The following FANCI variants were observed in gnomAD, a reference collection of about 807,000 sequenced individuals.
The protein encoded by FANCI is Fanconi anemia group I protein.
A neutral mutation model predicts 176.1 loss-of-function variants in FANCI; 156 were observed. That is an observed-to-expected ratio of 0.89 (90% CI 0.78 to 1.01). The LOEUF (loss-of-function observed/expected upper bound fraction) is 1.01, where lower values mean the gene tolerates loss of function less well. FANCI is among the 50% of genes least tolerant of loss of function. The probability of loss-of-function intolerance (pLI) is 0.00; values close to 1 mark genes in which losing one functional copy is unlikely to be tolerated. For synonymous variants in FANCI, 613 were observed against 541.7 expected, an observed-to-expected ratio of 1.13 and a Z score of -1.83; for missense variants, 1,678 against 1,534.1, an observed-to-expected ratio of 1.09 and a Z score of -1.57.
rs7166916 is a variant in FANCI at position 89,250,028 on chromosome 15, A to G, written c.84+2297A>G. 4.2e-3 allele frequency among the ~76,000 whole-genome samples: 638 copies of G among 152,352 alleles called. 7 individuals are homozygous for G. Among genetic ancestry groups the G allele is most frequent in the African/African-American group, 0.015 (611 of 41,582 alleles). On this transcript the variant is annotated intron_variant, in intron 2 of 37. Coordinates refer to ENST00000310775, the MANE Select transcript of FANCI (RefSeq NM_001113378.2). ...TTACAAACTATTCTCTGTGATCACA[A>G]TGCAATAAAACTGGAAATGAAAACC...
chr15:89,276,783 A>C lies in FANCI; in HGVS notation c.1185A>C (p.Pro395=), dbSNP rs371838837. ...TCATTTTGATGGATTCATATGGGCC[A>C]AAGAAGGTTCTTGATGGAAAAACTA... ...LGFILMDSYG[P]KKVLDGKTIE... Residue 395 remains proline, a synonymous_variant, in exon 13 of 38, where the codon CCA becomes CCC. Transcript: ENST00000310775. 20 of 1,614,072 alleles carry C rather than the reference A, an allele frequency of 1.2e-5. No individual in the cohort carries two copies. The highest frequency in any genetic ancestry group is 1.7e-5 in the Non-Finnish European group (20 of 1,180,026).
rs1399494514 is a variant in FANCI, at chr15:89,260,768, T to C, written c.213T>C (p.Cys71=). The C allele has an allele frequency of 6.2e-7, 1 of 1,613,916 alleles. No individual in the cohort carries two copies. The highest frequency in any genetic ancestry group is 8.5e-7 in the Non-Finnish European group (1 of 1,179,932). Residue 71 remains cysteine (C), a synonymous_variant, in exon 4 of 38, where the codon TGT becomes TGC. Transcript: ENST00000310775. ...TTAGGAGACGTAAGATATACACTTG[T>C]TGTATCCAGTTGGTGGAATCGGGGG... ...GTLRRRKIYT[C]CIQLVESGDL... is the part of the protein sequence containing the mutation.
chr15:89,286,977 C>CATTTTTTTTTTT (rs2053839231), intron 18 of FANCI, among the ~76,000 whole-genome samples: 1 of 86,054 alleles, frequency 1.2e-5, no homozygotes, highest in Non-Finnish European at 2.1e-5. Context: ...TCACCTTGCA[C>CATTTTTTTTTTT]TTTTTTTTTT....
At chr15:89,283,073 C>G in intron 16 of FANCI, 63 bp from the exon 17 acceptor site, 3 of 1,548,708 alleles carry the variant, frequency 1.9e-6, no homozygotes, top group Non-Finnish European at 2.7e-6. Flanking sequence ...CTGGATTTTT[C>G]TGACCCAGAA....
intron 2 of FANCI, among the ~76,000 whole-genome samples, chr15:89,251,327 C>T (rs984305526): frequency 2.0e-5 from 3 of 152,150 alleles, no homozygotes; most frequent in Non-Finnish European, 2.9e-5. Context: ...GGAACTACTT[C>T]GTACAAAAAC....
At chr15:89,247,578 G>T (rs1056188245) in intron 1 of FANCI, 51 bp from the exon 2 acceptor site, 24 of 1,282,134 alleles carry the variant, frequency 1.9e-5, no homozygotes, top group Non-Finnish European at 2.4e-5. Context: ...AACAAATCAA[G>T]TTTGTTTATT....
chr15:89,276,938 C>A (rs753073540), intron 13 of FANCI, 47 bp downstream of exon 13: 1 of 1,598,210 alleles, frequency 6.3e-7, no homozygotes, highest in East Asian at 2.2e-5. Flanking sequence ...TTTAAATAAT[C>A]CAAGTAGGGC....
chr15:89,276,039 G>A (rs1219921700), intron 12 of FANCI, among the ~76,000 whole-genome samples: 1 of 152,166 alleles, frequency 6.6e-6, no homozygotes, highest in Non-Finnish European at 1.5e-5. Flanking sequence ...ATCCATAACT[G>A]TCTACTTCAT....
chr15:89,266,518 G>A (rs943102500), intron 9 of FANCI, among the ~76,000 whole-genome samples: 4 of 151,400 alleles, frequency 2.6e-5, no homozygotes, highest in Non-Finnish European at 5.9e-5. Context: ...TAGTAGAGAC[G>A]GGCTTTCACC....
chr15:89,313,299 G>A (rs1311354737), intron 35 of FANCI, among the ~76,000 whole-genome samples: 4 of 152,100 alleles, frequency 2.6e-5, no homozygotes, highest in Non-Finnish European at 5.9e-5. Flanking sequence ...TATGGTATAT[G>A]AATTACAGCT....
At chr15:89,291,843 T>G (rs2054082576) in intron 20 of FANCI, 129 bp downstream of exon 20, 1 of 749,700 alleles carries the variant, frequency 1.3e-6, no homozygotes, top group African/African-American at 1.7e-5. Flanking sequence ...TTTTAAGTCT[T>G]CCCTGCTTAT....
rs138675752 is a variant in FANCI at position 89,301,433 on chromosome 15, C to T, written c.2997C>T (p.Ser999=). 3.3e-3 allele frequency: 5,239 copies of T among 1,610,410 alleles called. 25 individuals are homozygous for T. Among genetic ancestry groups the T allele is most frequent in the South Asian group, 7.0e-3 (634 of 91,020 alleles). The part of the protein sequence containing the change: ...LTSLSKLLEP[S]SPQFVQMLSW... ...GTTTGTCCAAGTTACTGGAGCCCTCCTCTCCTCAGGTACTAGTACCGCTAA... is the reference window on the plus strand; with the variant it reads ...GTTTGTCCAAGTTACTGGAGCCCTCTTCTCCTCAGGTACTAGTACCGCTAA... The change falls in exon 27 of 38, where the codon TCC becomes TCT. Residue 999 remains serine (S), a synonymous_variant. Transcript: ENST00000310775.
intron 18 of FANCI, among the ~76,000 whole-genome samples, chr15:89,288,651 C>T (rs2053924965): frequency 2.0e-5 from 3 of 146,754 alleles, no homozygotes; most frequent in Non-Finnish European, 3.0e-5. Flanking sequence ...ACAGAGTCTT[C>T]CTCTGTTATC....
intron 9 of FANCI, among the ~76,000 whole-genome samples, chr15:89,268,177 GT>G (rs1357285049): frequency 6.6e-6 from 1 of 152,110 alleles, no homozygotes; most frequent in Non-Finnish European, 1.5e-5. Context: ...TCACGGCAAC[GT>G]CCACCTTCCG....
intron 2 of FANCI, among the ~76,000 whole-genome samples, chr15:89,250,868 A>C (rs2052217264): frequency 6.6e-6 from 1 of 151,718 alleles, no homozygotes; most frequent in Non-Finnish European, 1.5e-5. Context: ...TGAAATAATG[A>C]AATCAATACA....
chr15:89,247,325 G>A (rs1176642927), intron 1 of FANCI, among the ~76,000 whole-genome samples: 2 of 152,088 alleles, frequency 1.3e-5, no homozygotes, highest in Non-Finnish European at 2.9e-5. Flanking sequence ...TTTGTTCTAG[G>A]TAGTATGGTG....
chr15:89,263,272 T>C, intron 6 of FANCI, 147 bp from the exon 7 acceptor site: 1 of 669,642 alleles, frequency 1.5e-6, no homozygotes, highest in Non-Finnish European at 2.6e-6. Flanking sequence ...TGCTATTTCA[T>C]TGTTTTAAAT....
At chr15:89,309,044 C>T (rs1162297431) in intron 34 of FANCI, among the ~76,000 whole-genome samples, 1 of 152,104 alleles carries the variant, frequency 6.6e-6, no homozygotes, top group Non-Finnish European at 1.5e-5. Flanking sequence ...GACTCTCTGT[C>T]ACCTTGCCTT....
At chr15:89,270,388 G>GT (rs1174264151) in intron 10 of FANCI, among the ~76,000 whole-genome samples, 1 of 152,178 alleles carries the variant, frequency 6.6e-6, no homozygotes, top group East Asian at 1.9e-4. Context: ...TAGGATCATA[G>GT]TTCGAGATAG....
Sources: gnomAD v4.1 joint callset for allele counts (sites outside exome capture counted in the v4.1 genomes callset) on GRCh38, gnomAD v4.1.1 for gene constraint, MANE v1.5 for transcripts, NCBI Gene and HGNC (gene_info 2026-07-23, HGNC 2026-07-21) for gene names.